Variants in NRG1 observed in about 807,000 individuals in gnomAD.
NRG1 encodes the protein pro-neuregulin-1, membrane-bound isoform.
NRG1 carries 18 observed loss-of-function variants against 63.8 expected under a neutral mutation model. That is an observed-to-expected ratio of 0.28 (90% confidence interval 0.19 to 0.42). NRG1 has a LOEUF of 0.42. NRG1 is among the 10% of genes least tolerant of loss of function. The pLI, the probability that NRG1 is intolerant of heterozygous loss-of-function variation, is 1.00. For missense variants in NRG1, 762 were observed against 814.7 expected, an observed-to-expected ratio of 0.94 and a Z score of 0.79; for synonymous variants, 302 against 301.3, an observed-to-expected ratio of 1.00 and a Z score of -0.02.
chr8:31,743,560 ATGTGTG>A (rs71974137), intron 1 of NRG1, among the ~76,000 whole-genome samples: 6,346 of 151,250 alleles, frequency 0.042, 427 homozygotes, highest in African/African-American at 0.14. Context: ...ATTGTTTAAT[ATGTGTG>A]TGTGTGTGGG....
chr8:32,167,119 G>T (rs1157907606), intron 1 of NRG1, among the ~76,000 whole-genome samples: 1 of 152,090 alleles, frequency 6.6e-6, no homozygotes, highest in Non-Finnish European at 1.5e-5. Flanking sequence ...TTAATCAGTG[G>T]TGTTATATAA....
intron 1 of NRG1, among the ~76,000 whole-genome samples, chr8:32,150,387 T>C (rs2131819363): frequency 6.6e-6 from 1 of 152,304 alleles, no homozygotes; most frequent in East Asian, 1.9e-4. Context: ...CAGTGTGATA[T>C]AATCAAGAGA....
intron 1 of NRG1, among the ~76,000 whole-genome samples, chr8:32,072,024 C>A (rs1419884869): frequency 6.6e-6 from 1 of 152,048 alleles, no homozygotes; most frequent in East Asian, 1.9e-4. Flanking sequence ...AGAGTTCTTT[C>A]TTTTTTAACT....
At chr8:31,839,857 G>A (rs1264505902) in intron 1 of NRG1, among the ~76,000 whole-genome samples, 1 of 152,144 alleles carries the variant, frequency 6.6e-6, no homozygotes, top group East Asian at 1.9e-4. Flanking sequence ...AGGTGGCTGA[G>A]CACTTCCTGT....
intron 5 of NRG1, among the ~76,000 whole-genome samples, chr8:32,628,544 T>C (rs1169720562): frequency 6.6e-6 from 1 of 151,820 alleles, no homozygotes; most frequent in Non-Finnish European, 1.5e-5. Context: ...GAAGATAAGG[T>C]TTGGAGGGAA....
At chr8:31,698,157 T>A (rs770715443) in intron 1 of NRG1, among the ~76,000 whole-genome samples, 1 of 152,172 alleles carries the variant, frequency 6.6e-6, no homozygotes, top group African/African-American at 2.4e-5. Flanking sequence ...TCTACTGTCA[T>A]AGAAAGGTAT....
In NRG1 at chr8:31,640,615, C is replaced by G. The variant is rs559080063; in HGVS notation, c.37+1184C>G. 1.9e-6 allele frequency: 3 copies of G among 1,611,838 alleles called. No individual in the cohort carries two copies. The highest frequency in any genetic ancestry group is 2.5e-6 in the Non-Finnish European group (3 of 1,179,534). ...CAGCAGGTACATCTTCTTCATGGAGCCCGACGCCAACAGCACCAGCCGCGC... is the reference window on the plus strand; with the variant it reads ...CAGCAGGTACATCTTCTTCATGGAGGCCGACGCCAACAGCACCAGCCGCGC... On this transcript the variant is annotated intron_variant, in intron 1 of 10. Coordinates refer to the NRG1 transcript ENST00000519301. The surrounding 1 kb of genome is among the most constrained non-coding windows in gnomAD (Gnocchi z 6.3).
At chr8:31,716,808 C>T (rs554191886) in intron 1 of NRG1, among the ~76,000 whole-genome samples, 15 of 152,172 alleles carry the variant, frequency 9.9e-5, no homozygotes, top group Admixed American at 3.3e-4. Flanking sequence ...CAAACAGTAA[C>T]GCTATCAGAG....
chr8:31,891,634 G>T (rs1457811730), intron 1 of NRG1, among the ~76,000 whole-genome samples: 1 of 152,066 alleles, frequency 6.6e-6, no homozygotes, highest in Non-Finnish European at 1.5e-5. Context: ...GCATTCCTAG[G>T]CTTTTCTCAT....
At chr8:32,769,139 C>A (rs1216667759), downstream of NRG1, among the ~76,000 whole-genome samples, 2 of 152,144 alleles carry the variant, frequency 1.3e-5, no homozygotes, top group Admixed American at 1.3e-4. Flanking sequence ...ACCAGCCATG[C>A]AGAGAATATT....
chr8:32,121,703 A>G (rs16878853), intron 1 of NRG1, among the ~76,000 whole-genome samples: 5,094 of 152,034 alleles, frequency 0.034, 141 homozygotes, highest in South Asian at 0.088. Flanking sequence ...ACAATGGATA[A>G]TCTTCCCAGA....
chr8:31,947,942 C>A (rs1442190303), intron 1 of NRG1, among the ~76,000 whole-genome samples: 2 of 59,552 alleles, frequency 3.4e-5, no homozygotes, highest in East Asian at 5.2e-4. Context: ...GAGACTCCAT[C>A]TCAAAAAAAA....
At chr8:32,363,700 G>T (rs776509413) in intron 1 of NRG1, among the ~76,000 whole-genome samples, 20 of 151,948 alleles carry the variant, frequency 1.3e-4, no homozygotes, top group Non-Finnish European at 2.6e-4. Flanking sequence ...CCTTTAAAAA[G>T]TTATCTCTGT....
At chr8:32,363,336 G>A (rs1626771) in intron 1 of NRG1, among the ~76,000 whole-genome samples, 55,709 of 151,984 alleles carry the variant, frequency 0.37, 11,556 homozygotes, top group East Asian at 0.57. Context: ...GTGGCTATTC[G>A]AGTGCATTGA....
intron 1 of NRG1, chr8:32,063,558 T>C (rs181350610): frequency 6.7e-6 from 1 of 148,898 alleles, no homozygotes; most frequent in East Asian, 1.9e-4. Context: ...CTGGTAATAG[T>C]CTAATCATTA....
chr8:32,018,192 C>A, intron 1 of NRG1, among the ~76,000 whole-genome samples: 1 of 152,294 alleles, frequency 6.6e-6, no homozygotes, highest in Middle Eastern at 3.4e-3. Context: ...AGTATTTCAA[C>A]CCCAATTGTC....
chr8:32,018,495 T>C (rs963497514), intron 1 of NRG1, among the ~76,000 whole-genome samples: 1 of 152,260 alleles, frequency 6.6e-6, no homozygotes, highest in African/African-American at 2.4e-5. Context: ...TAATTTTGTC[T>C]GTTTATGAGC....
At chr8:32,459,336 T>C (rs1563492651) in intron 1 of NRG1, among the ~76,000 whole-genome samples, 1 of 152,344 alleles carries the variant, frequency 6.6e-6, no homozygotes, top group East Asian at 1.9e-4. Context: ...CAGTTTTTCC[T>C]ATCTTTACTT....
rs1388389944 is a variant in NRG1, at chr8:32,298,748, A to G, written c.38-297080A>G. On this transcript the variant is annotated intron_variant, in intron 1 of 10. Coordinates refer to the NRG1 transcript ENST00000519301. ...AAAAAAAAGAAAAGAAAAGAAAAAG[A>G]TCGGGTGCGGGGGCTCACGCCTGTA... 2.0e-5 allele frequency among the ~76,000 whole-genome samples: 3 copies of G among 149,880 alleles called. No homozygotes were observed. The East Asian group carries it at 5.8e-4, about 29-fold the overall frequency.
Sources: allele counts gnomAD v4.1 joint callset (sites outside exome capture counted in the v4.1 genomes callset), GRCh38; gene constraint gnomAD v4.1.1; non-coding constraint Gnocchi (gnomAD v3.1); transcripts MANE v1.5; gene names NCBI Gene and HGNC (gene_info 2026-07-23, HGNC 2026-07-21).